Variants in NALF1 observed in about 807,000 individuals in gnomAD.
The protein encoded by NALF1 is NALCN channel auxiliary factor 1, also known as family with sequence similarity 155 member A.
A neutral mutation model predicts 48.4 loss-of-function variants in NALF1; 3 were observed. The ratio of observed to expected loss-of-function variants is 0.06; its 90% confidence interval spans 0.03 to 0.16. The LOEUF (loss-of-function observed/expected upper bound fraction) is 0.16. Ranked by LOEUF, NALF1 falls within the 10% of genes least tolerant of loss-of-function variation. The pLI, the probability that NALF1 is intolerant of heterozygous loss-of-function variation, is 1.00. For missense variants in NALF1, 526 were observed against 571.5 expected, an observed-to-expected ratio of 0.92 and a Z score of 0.81; for synonymous variants, 262 against 245.7, an observed-to-expected ratio of 1.07 and a Z score of -0.62.
chr13:107,425,055 C>CT (rs144183308), intron 1 of NALF1, among the ~76,000 whole-genome samples: 1,979 of 152,292 alleles, frequency 0.013, 21 homozygotes, highest in South Asian at 0.029. Context: ...ACCACGTCTT[C>CT]TCTAGCAAAT....
intron 1 of NALF1, among the ~76,000 whole-genome samples, chr13:107,345,485 G>A (rs57877245): frequency 0.024 from 3,675 of 152,186 alleles, 138 homozygotes; most frequent in African/African-American, 0.082. Context: ...ACAATCGAGA[G>A]CCCAGGAATA....
chr13:107,532,919 G>A (rs555627038), intron 1 of NALF1, among the ~76,000 whole-genome samples: 1 of 152,056 alleles, frequency 6.6e-6, no homozygotes, highest in South Asian at 2.1e-4. Flanking sequence ...AAAGGTAGTT[G>A]CAGAACTGTT....
At chr13:107,249,970 T>C (rs1003335470) in intron 1 of NALF1, among the ~76,000 whole-genome samples, 1 of 152,066 alleles carries the variant, frequency 6.6e-6, no homozygotes, top group Admixed American at 6.5e-5. Context: ...TATCACTTGA[T>C]GAGTTTTAAA....
intron 2 of NALF1, among the ~76,000 whole-genome samples, chr13:107,186,100 C>T (rs1309117922): frequency 6.6e-6 from 1 of 152,158 alleles, no homozygotes; most frequent in African/African-American, 2.4e-5. Flanking sequence ...CTGTATATAC[C>T]AACCTCCTGT....
At chr13:107,516,642 C>T (rs1876061819) in intron 1 of NALF1, among the ~76,000 whole-genome samples, 1 of 152,030 alleles carries the variant, frequency 6.6e-6, no homozygotes, top group Non-Finnish European at 1.5e-5. Context: ...GTGGTGACTA[C>T]TCTTTTAAGA....
rs143934150 is a variant in NALF1 at position 107,866,755 on chromosome 13, CCTCTCTCT to C, written c.-167_-160del. On this transcript the variant is annotated 5_prime_UTR_variant, in exon 1 of 3. Coordinates refer to ENST00000375915, the MANE Select transcript of NALF1 (RefSeq NM_001080396.3). This position sits in a 1 kb window ranked among gnomAD's most constrained non-coding sequence, Gnocchi z 4.4. ...TCTCTCTCTTCCCCTCTCCCTCTCTCCTCTCTCTCTCTCTCCCTCTCCCTCTCTTTTAT... is the reference window on the plus strand; with the variant it reads ...TCTCTCTCTTCCCCTCTCCCTCTCTCCTCTCTCCCTCTCCCTCTCTTTTAT... The C allele has an allele frequency of 1.8e-6, 1 of 562,796 alleles. No individual in the cohort carries two copies. The highest frequency in any genetic ancestry group is 3.2e-6 in the Non-Finnish European group (1 of 314,798). The allele number at this position is 562,796 out of a possible 1,614,324, so 34.9% of individuals were successfully genotyped here. A position where few individuals can be genotyped will look rare whatever the true frequency, so the allele number is the denominator to read the frequency against.
chr13:107,474,236 C>T (rs900147104), intron 1 of NALF1, among the ~76,000 whole-genome samples: 32 of 152,152 alleles, frequency 2.1e-4, no homozygotes, highest in African/African-American at 7.7e-4. Flanking sequence ...GACTAAATTT[C>T]CCTTTTCAAG....
intron 1 of NALF1, among the ~76,000 whole-genome samples, chr13:107,491,817 A>G (rs2139069942): frequency 6.6e-6 from 1 of 152,274 alleles, no homozygotes; most frequent in South Asian, 2.1e-4. Context: ...TTAGAAGGCT[A>G]TTGTAAAAAT....
At chr13:107,591,115 G>C (rs1428254751) in intron 1 of NALF1, among the ~76,000 whole-genome samples, 1 of 152,008 alleles carries the variant, frequency 6.6e-6, no homozygotes, top group Non-Finnish European at 1.5e-5. Context: ...AAGTAATAAA[G>C]ATGAGAGTAA....
intron 1 of NALF1, among the ~76,000 whole-genome samples, chr13:107,615,940 C>G (rs971078878): frequency 7.2e-5 from 11 of 152,144 alleles, no homozygotes; most frequent in African/African-American, 2.6e-4. Flanking sequence ...TCCATAATGC[C>G]CAATCTGTAA....
chr13:107,282,492 T>A (rs1881408528), intron 1 of NALF1, among the ~76,000 whole-genome samples: 1 of 152,192 alleles, frequency 6.6e-6, no homozygotes, highest in African/African-American at 2.4e-5. Context: ...CACTAGTGAA[T>A]CTGGCCTCAT....
At chr13:107,822,798 C>T (rs1200959499) in intron 1 of NALF1, among the ~76,000 whole-genome samples, 4 of 152,038 alleles carry the variant, frequency 2.6e-5, no homozygotes, top group Non-Finnish European at 4.4e-5. Context: ...TTAGGAAAAT[C>T]GTTAAATATA....
chr13:107,357,867 C>T (rs1566494506), intron 1 of NALF1, among the ~76,000 whole-genome samples: 1 of 152,142 alleles, frequency 6.6e-6, no homozygotes, highest in Non-Finnish European at 1.5e-5. Flanking sequence ...AAACAAACAG[C>T]TCAGCAGGGC....
chr13:107,201,147 T>C (rs1321990292), intron 2 of NALF1, among the ~76,000 whole-genome samples: 1 of 146,916 alleles, frequency 6.8e-6, no homozygotes, highest in Non-Finnish European at 1.5e-5. Flanking sequence ...TACGTTGATA[T>C]CTATCTATCT....
intron 2 of NALF1, among the ~76,000 whole-genome samples, chr13:107,194,807 C>T (rs1442951257): frequency 6.6e-6 from 1 of 152,172 alleles, no homozygotes; most frequent in African/African-American, 2.4e-5. Flanking sequence ...AAGATCTTCA[C>T]ATTCTATACA....
chr13:107,264,033 G>T (rs927401622), intron 1 of NALF1, among the ~76,000 whole-genome samples: 1 of 152,094 alleles, frequency 6.6e-6, no homozygotes, highest in Admixed American at 6.5e-5. Context: ...AGTACATCTG[G>T]TAGATTCAGA....
Position 107,222,002 on chromosome 13 carries a change from G to A in NALF1, c.916-11247C>T, listed in dbSNP as rs192484791. Among the ~76,000 whole-genome samples the A allele has an allele frequency of 1.9e-3, 284 of 152,274 alleles. 1 individual carries two copies. Among genetic ancestry groups the A allele is most frequent in the Middle Eastern group, 3.4e-3 (1 of 292 alleles). Reference sequence around the variant, plus strand: ...CAAAGAAGCTCAAAGAAGGCACTTCGGCAACTGTTATGTGCGTTTTGCTTT... The same window carrying A: ...CAAAGAAGCTCAAAGAAGGCACTTCAGCAACTGTTATGTGCGTTTTGCTTT... On this transcript the variant is annotated intron_variant, in intron 1 of 2. Transcript: ENST00000375915.
chr13:107,442,514 T>C (rs998054765), intron 1 of NALF1, among the ~76,000 whole-genome samples: 1 of 152,128 alleles, frequency 6.6e-6, no homozygotes, highest in Non-Finnish European at 1.5e-5. Context: ...ACTGCACAGG[T>C]AAATGCGTTT....
At chr13:107,816,705 A>G (rs116852560) in intron 1 of NALF1, among the ~76,000 whole-genome samples, 146 of 152,302 alleles carry the variant, frequency 9.6e-4, no homozygotes, top group Non-Finnish European at 2.0e-3. Context: ...GATTATTGAC[A>G]AGCATATGAC....
Sources: gnomAD v4.1 joint callset for allele counts (sites outside exome capture counted in the v4.1 genomes callset) on GRCh38, gnomAD v4.1.1 for gene constraint, Gnocchi (gnomAD v3.1) non-coding constraint, MANE v1.5 for transcripts, NCBI Gene and HGNC (gene_info 2026-07-23, HGNC 2026-07-21) for gene names.